The following ACSM3 variants were observed in gnomAD, a reference collection of about 807,000 sequenced individuals.
ACSM3 encodes acyl-coenzyme A synthetase ACSM3, mitochondrial.
A neutral mutation model predicts 74.1 loss-of-function variants in ACSM3; 61 were observed. The ratio of observed to expected loss-of-function variants is 0.82; its 90% CI spans 0.67 to 1.02. The LOEUF (loss-of-function observed/expected upper bound fraction) is 1.02. ACSM3 is among the 50% of genes least tolerant of loss of function. The pLI, the probability that ACSM3 is intolerant of heterozygous loss-of-function variation, is 0.00. For missense variants in ACSM3, 660 were observed against 697.0 expected, an observed-to-expected ratio of 0.95 and a Z score of 0.60; for synonymous variants, 213 against 241.5, an observed-to-expected ratio of 0.88 and a Z score of 1.09.
At chr16:20,756,367 C>T (rs2080031593) in intron 3 of ACSM3, among the ~76,000 whole-genome samples, 1 of 151,900 alleles carries the variant, frequency 6.6e-6, no homozygotes, top group Admixed American at 6.6e-5. Context: ...TTTTGATTTG[C>T]ATTTCTCTGA....
intron 1 of ACSM3, among the ~76,000 whole-genome samples, chr16:20,717,370 C>T (rs1277217775): frequency 4.6e-5 from 7 of 152,152 alleles, no homozygotes; most frequent in Non-Finnish European, 7.3e-5. Flanking sequence ...ACAGTCTTAC[C>T]GGAAGCACTT....
chr16:20,738,816 C>G, intron 1 of ACSM3: 3 of 1,512,876 alleles, frequency 2.0e-6, no homozygotes, highest in Non-Finnish European at 2.7e-6. Context: ...CCCAAGAAGC[C>G]ATTTTGTAAG....
intron 1 of ACSM3, chr16:20,711,426 CAG>C (rs1440113083): frequency 2.5e-6 from 2 of 808,844 alleles, no homozygotes; most frequent in African/African-American, 3.5e-5. Flanking sequence ...CCACCGTCCA[CAG>C]AGTCTCACTT....
At chr16:20,741,756 G>A in intron 1 of ACSM3, 7 of 1,557,994 alleles carry the variant, frequency 4.5e-6, no homozygotes, top group South Asian at 1.2e-5. Context: ...CGCAAACTGA[G>A]AGGAAAGAGA....
intron 1 of ACSM3, among the ~76,000 whole-genome samples, chr16:20,702,096 T>C (rs370812803): frequency 6.6e-6 from 1 of 152,236 alleles, no homozygotes; most frequent in African/African-American, 2.4e-5. Context: ...TTTCTGGTTC[T>C]AGGTCCTTGA....
chr16:20,793,788 G>C (rs755059829), intron 12 of ACSM3, among the ~76,000 whole-genome samples: 1 of 152,204 alleles, frequency 6.6e-6, no homozygotes, highest in Non-Finnish European at 1.5e-5. Context: ...AAGGTTTCAC[G>C]AGTCTTAGCT....
At chr16:20,696,817 G>GCAA (rs2079692265) in intron 1 of ACSM3, among the ~76,000 whole-genome samples, 1 of 152,294 alleles carries the variant, frequency 6.6e-6, no homozygotes, top group East Asian at 1.9e-4. Flanking sequence ...ATTTAATGAA[G>GCAA]CAACATACTT....
At chr16:20,722,973 G>A (rs2079791057) in intron 1 of ACSM3, among the ~76,000 whole-genome samples, 1 of 152,122 alleles carries the variant, frequency 6.6e-6, no homozygotes. Context: ...CATGTGCCAT[G>A]TTGCTGTGCT....
At position 20,770,254 on chromosome 16, in the gene ACSM3, G is replaced by C; in HGVS notation, c.219+1G>C. 6.2e-7 allele frequency: 1 copy of C among 1,613,342 alleles called. No individual in the cohort carries two copies. The highest frequency in any genetic ancestry group is 8.5e-7 in the Non-Finnish European group (1 of 1,179,300). On this transcript the variant is annotated splice_donor_variant, in intron 2 of 13. Transcript: ENST00000289416. LOFTEE classifies it high-confidence loss of function. ...GGACCAATGGACTGATAAGGAAAAG[G>C]TATGGGGGGAGGGCCAGTCAGACCA...
intron 1 of ACSM3, among the ~76,000 whole-genome samples, chr16:20,702,515 G>A (rs1278055853): frequency 6.6e-6 from 1 of 152,234 alleles, no homozygotes; most frequent in Non-Finnish European, 1.5e-5. Flanking sequence ...TGACTGACGT[G>A]AGATGGTATC....
chr16:20,776,998 C>G (rs764886652), intron 3 of ACSM3, among the ~76,000 whole-genome samples: 4 of 152,188 alleles, frequency 2.6e-5, no homozygotes, highest in Non-Finnish European at 5.9e-5. Flanking sequence ...GCAAGTTATT[C>G]ATAGCTTTTA....
intron 1 of ACSM3, chr16:20,736,630 A>G (rs2079871872): frequency 2.3e-6 from 1 of 433,610 alleles, no homozygotes; most frequent in African/African-American, 2.0e-5. Context: ...GGGAGAGGCC[A>G]ACATCCCCCT....
chr16:20,708,367 CTT>C (rs1451809790), intron 1 of ACSM3, among the ~76,000 whole-genome samples: 1 of 152,144 alleles, frequency 6.6e-6, no homozygotes, highest in African/African-American at 2.4e-5. Context: ...TTAATGGAAT[CTT>C]TAGAATTTTT....
At chr16:20,731,831 G>C in intron 1 of ACSM3, 1 of 246,554 alleles carries the variant, frequency 4.1e-6, no homozygotes, top group Non-Finnish European at 7.4e-6. Context: ...CTTTATAGTA[G>C]CTCATTATAT....
At chr16:20,682,410 G>A (rs199570072) in intron 1 of ACSM3, 10 of 1,613,954 alleles carry the variant, frequency 6.2e-6, no homozygotes, top group East Asian at 4.5e-5. Flanking sequence ...AACTGTAGTC[G>A]ATAGAGAATG....
In ACSM3 at chr16:20,735,530, C is replaced by CT. The variant is rs879527249; in HGVS notation, c.-189-14367dup. The CT allele has an allele frequency of 1.2e-3, 167 of 139,138 alleles. 1 individual carries two copies. Among genetic ancestry groups the CT allele is most frequent in the East Asian group, 0.011 (54 of 4,858 alleles). The allele number at this position is 139,138 out of a possible 1,614,324, so 8.6% of individuals were successfully genotyped here. On this transcript the variant is annotated intron_variant, in intron 1 of 3. Transcript: ENST00000561584. ...TGCTATAATGTCAACATCAGGATTT[C>CT]TTTTTTTTTTTTTAATAACGCAAAA... is the stretch of plus-strand genomic sequence containing the variant.
At chr16:20,762,347 C>T (rs1392215734), upstream of ACSM3, among the ~76,000 whole-genome samples, 1 of 150,454 alleles carries the variant, frequency 6.6e-6, no homozygotes, top group South Asian at 2.1e-4. Flanking sequence ...AGAAAAAAAT[C>T]AAAGAACTGG....
chr16:20,690,287 G>A (rs1356361977), intron 1 of ACSM3, among the ~76,000 whole-genome samples: 1 of 152,232 alleles, frequency 6.6e-6, no homozygotes, highest in East Asian at 1.9e-4. Flanking sequence ...GCAGCTGGGA[G>A]TTAGTGGCTA....
chr16:20,762,892 T>C (rs1173433215), upstream of ACSM3, among the ~76,000 whole-genome samples: 18 of 152,224 alleles, frequency 1.2e-4, no homozygotes, highest in Admixed American at 1.2e-3. Flanking sequence ...ATCACTCTTA[T>C]TCAACGTAGA....
Sources: allele counts gnomAD v4.1 joint callset (sites outside exome capture counted in the v4.1 genomes callset), GRCh38; gene constraint gnomAD v4.1.1; transcripts MANE v1.5; gene names NCBI Gene and HGNC (gene_info 2026-07-23, HGNC 2026-07-21).